TOP1MT: variants seen among roughly 807,000 people sequenced by gnomAD.
TOP1MT encodes the protein DNA topoisomerase I mitochondrial, also known as DNA topoisomerase I, mitochondrial.
Under a neutral mutation model 73.9 loss-of-function variants are expected in TOP1MT, and 80 were observed. That is an observed-to-expected ratio of 1.08 (90% CI 0.90 to 1.30). TOP1MT has a LOEUF of 1.30. TOP1MT is among the 50% of genes most tolerant of loss of function. The pLI, the probability that TOP1MT is intolerant of heterozygous loss-of-function variation, is 0.00. For synonymous variants in TOP1MT, 338 were observed against 326.4 expected, an observed-to-expected ratio of 1.04 and a Z score of -0.38; for missense variants, 815 against 808.0, an observed-to-expected ratio of 1.01 and a Z score of -0.10.
At chr8:143,323,350 A>T (rs1816587023) in intron 7 of TOP1MT, among the ~76,000 whole-genome samples, 2 of 119,882 alleles carry the variant, frequency 1.7e-5, no homozygotes, top group African/African-American at 3.3e-5. Context: ...ACACACATGC[A>T]CGCCACACCC....
chr8:143,332,562 G>A, intron 1 of TOP1MT: 1 of 1,289,442 alleles, frequency 7.8e-7, no homozygotes, highest in African/African-American at 1.5e-5. Context: ...TGGTCGGCTG[G>A]GATGAGTGTC....
chr8:143,348,664 G>A (rs942189105), upstream of TOP1MT, among the ~76,000 whole-genome samples: 4 of 152,174 alleles, frequency 2.6e-5, no homozygotes, highest in African/African-American at 9.7e-5. This position sits in a 1 kb window ranked among gnomAD's most constrained non-coding sequence, Gnocchi z 4.6. Flanking sequence ...CCGCTGAAAA[G>A]CAGTTTCCTC....
intron 3 of TOP1MT, among the ~76,000 whole-genome samples, chr8:143,326,818 G>A (rs375800162): frequency 6.6e-6 from 1 of 152,186 alleles, no homozygotes; most frequent in African/African-American, 2.4e-5. Flanking sequence ...CAGTCCATAC[G>A]TGCTGCTGCC....
At chr8:143,323,233 G>A (rs1465325354) in intron 7 of TOP1MT, among the ~76,000 whole-genome samples, 1 of 28,590 alleles carries the variant, frequency 3.5e-5, no homozygotes. Flanking sequence ...GCCACACACA[G>A]GCACGCCACA....
Position 143,317,841 on chromosome 8 carries a change from G to A in TOP1MT, c.1216-4C>T, listed in dbSNP as rs1250978174. On this transcript the variant is annotated splice_region_variant and splice_polypyrimidine_tract_variant and intron_variant, in intron 9 of 13. Transcript: ENST00000329245. ...GGTGCTTGTTCAGGCTGGTCGTCTG[G>A]GGAGGAAAATGGTCTCTATAATTAC... is the stretch of plus-strand genomic sequence containing the variant. 3 of 1,613,894 alleles carry A rather than the reference G, an allele frequency of 1.9e-6. No homozygotes were observed. Among genetic ancestry groups the A allele is most frequent in the African/African-American group, 1.3e-5 (1 of 74,946 alleles).
Position 143,324,079 on chromosome 8 carries a change from G to T in TOP1MT, c.880C>A (p.Arg294Ser). The T allele has an allele frequency of 1.9e-6, 3 of 1,613,878 alleles. No individual in the cohort carries two copies. The highest frequency in any genetic ancestry group is 2.5e-6 in the Non-Finnish European group (3 of 1,180,030). Residue 294 changes from arginine (R) to serine (S), a missense_variant, in exon 7 of 14, where the codon CGC becomes AGC. Arg to Ser is a moderately radical substitution (Grantham distance 110). Around this residue, in one of 3 missense-constraint regions of TOP1MT, gnomAD observed 751 missense variants for 725.4 expected, o/e 1.04. Coordinates refer to ENST00000329245, the MANE Select transcript of TOP1MT (RefSeq NM_052963.3). Reference sequence around the variant, plus strand: ...TTCCAGTCAGCCCGGTACTGGGAGCGGATCTCGTCCACAAATCCCCGCAGG... The same window carrying T: ...TTCCAGTCAGCCCGGTACTGGGAGCTGATCTCGTCCACAAATCCCCGCAGG... ...RRLRGFVDEI[R>S]SQYRADWKSR... is the part of the protein sequence containing the mutation.
intron 3 of TOP1MT, among the ~76,000 whole-genome samples, chr8:143,328,861 A>G (rs547640912): frequency 1.1e-4 from 16 of 152,336 alleles, no homozygotes; most frequent in Non-Finnish European, 1.8e-4. Context: ...CGCGGCACAC[A>G]CATAAAATCA....
intron 12 of TOP1MT, chr8:143,310,482 C>G (rs560313685): frequency 2.9e-6 from 1 of 349,794 alleles, no homozygotes; most frequent in Admixed American, 4.6e-5. Flanking sequence ...GTGAGATGCT[C>G]GACACAACAG....
At position 143,334,770 on chromosome 8, in the gene TOP1MT, G is replaced by A. The variant is rs766465072; in HGVS notation, c.92C>T (p.Ser31Leu). ...TCCACTGCCCTTCTGCGTCCTGCGC[G>A]AGCCCGGGACACCCCGGGAGGCCGG... ...RRPASRGVPG[S>L]RRTQKGSGAR... Residue 31 changes from serine to leucine, a missense_variant, in exon 1 of 14, where the codon TCG becomes TTG. By Grantham distance (145) the Ser-to-Leu change is moderately radical. Transcript: ENST00000329245. 44 of 1,595,452 alleles carry A rather than the reference G, an allele frequency of 2.8e-5. No individual in the cohort carries two copies. Among genetic ancestry groups the A allele is most frequent in the Non-Finnish European group, 3.4e-5 (40 of 1,172,838 alleles).
rs1327416480 is a variant in TOP1MT, at chr8:143,334,833, C to T, written c.29G>A (p.Arg10Gln). The part of the protein sequence containing the change: MRVVRLLRL[R>Q]AALTLLGEVP... Reference sequence around the variant, plus strand: ...CTCCCCGAGCAGCGTCAGAGCCGCCCGGAGCCGCAGCAGCCGCACCACGCG... The same window carrying T: ...CTCCCCGAGCAGCGTCAGAGCCGCCTGGAGCCGCAGCAGCCGCACCACGCG... Residue 10 changes from arginine (R) to glutamine (Q), a missense_variant, in exon 1 of 14, where the codon CGG becomes CAG. Physicochemically the swap from Arg to Gln is conservative, Grantham distance 43. This residue lies in a region of TOP1MT where 60 missense variants were observed against 65.9 expected (regional missense o/e 0.91). Coordinates refer to ENST00000329245, the MANE Select transcript of TOP1MT (RefSeq NM_052963.3). The T allele has an allele frequency of 1.3e-6, 2 of 1,520,606 alleles. No individual in the cohort carries two copies. The highest frequency in any genetic ancestry group is 1.7e-6 in the Non-Finnish European group (2 of 1,149,014). The allele number at this position is 1,520,606 out of a possible 1,614,324, so 94.2% of individuals were successfully genotyped here.
At chr8:143,321,641 CCA>C (rs199639947) in intron 7 of TOP1MT, among the ~76,000 whole-genome samples, 1 of 75,096 alleles carries the variant, frequency 1.3e-5, no homozygotes, top group Non-Finnish European at 2.9e-5. Context: ...CACAGGCACG[CCA>C]CACACAGGCA....
At chr8:143,322,978 CACGCCACACACGCACGCCA>C (rs1178039124) in intron 7 of TOP1MT, among the ~76,000 whole-genome samples, 1 of 119,492 alleles carries the variant, frequency 8.4e-6, no homozygotes, top group Non-Finnish European at 1.8e-5. Flanking sequence ...CACACGCACG[CACGCCACACACGCACGCCA>C]CACACAGGCA....
intron 12 of TOP1MT, 23 bp downstream of exon 12, chr8:143,315,704 C>T (rs369389767): frequency 2.1e-5 from 33 of 1,602,606 alleles, no homozygotes; most frequent in African/African-American, 5.4e-5. Context: ...CGGGAGAAGG[C>T]GTCTGAGGGC....
chr8:143,322,289 ACATGCACGCCACACC>A (rs1816454159), intron 7 of TOP1MT, among the ~76,000 whole-genome samples: 3 of 37,250 alleles, frequency 8.1e-5, no homozygotes, highest in African/African-American at 2.7e-4. Context: ...CACGCCACAC[ACATGCACGCCACACC>A]CACAGGCACG....
intron 6 of TOP1MT, 126 bp downstream of exon 6, chr8:143,324,359 G>C: frequency 6.9e-7 from 1 of 1,457,194 alleles, no homozygotes; most frequent in Non-Finnish European, 9.3e-7. Flanking sequence ...CATGACCTCA[G>C]CACGGGCTGG....
chr8:143,354,933 G>T (rs2450757), intron 1 of TOP1MT, among the ~76,000 whole-genome samples: 17,217 of 152,156 alleles, frequency 0.11, 3,308 homozygotes, highest in African/African-American at 0.39. Flanking sequence ...GAAAGTGACG[G>T]ACAGAAAACA....
At position 143,321,532 on chromosome 8, in the gene TOP1MT, C is replaced by CACGCACGCA. The variant is rs1160310743; in HGVS notation, c.961-147_961-146insTGCGTGCGT. On this transcript the variant is annotated intron_variant, in intron 7 of 13. Transcript: ENST00000329245. ...ACACGCACTCCACACACGCACGCCA[C>CACGCACGCA]ACACACGCACGCCACACACGCACGC... The CACGCACGCA allele has an allele frequency of 3.9e-5, 24 of 609,528 alleles. No individual in the cohort carries two copies. In the East Asian group the frequency reaches 7.1e-4, roughly 18 times the overall value. 37.8% of individuals were successfully genotyped at this position (609,528 alleles called of 1,614,324 possible).
intron 12 of TOP1MT, among the ~76,000 whole-genome samples, chr8:143,311,180 G>C (rs1339660360): frequency 7.2e-6 from 1 of 137,938 alleles, no homozygotes; most frequent in African/African-American, 2.8e-5. Flanking sequence ...TGTTGGCCAT[G>C]ATGGTCTCAA....
rs754884384 is a variant in TOP1MT, at chr8:143,316,092, G to A, written c.1365C>T (p.Tyr455=). Reference sequence around the variant, plus strand: ...TGGCCACGACTCGGTTGGCTCGGTTGTAGGATAAGATCTTAGCTGCTATGC... The same window carrying A: ...TGGCCACGACTCGGTTGGCTCGGTTATAGGATAAGATCTTAGCTGCTATGC... The part of the protein sequence containing the change: ...EDSIAAKILS[Y]NRANRVVAIL... The change falls in exon 11 of 14, where the codon TAC becomes TAT. Residue 455 remains tyrosine, a synonymous_variant. Coordinates refer to ENST00000329245, the MANE Select transcript of TOP1MT (RefSeq NM_052963.3). 5.0e-6 allele frequency: 8 copies of A among 1,614,174 alleles called. No homozygotes were observed. In the Admixed American group the frequency reaches 6.7e-5, roughly 13 times the overall value.
Sources: gnomAD v4.1 joint callset for allele counts (sites outside exome capture counted in the v4.1 genomes callset) on GRCh38, gnomAD v4.1.1 for gene constraint, gnomAD v4.1.1 regional missense constraint, Gnocchi (gnomAD v3.1) non-coding constraint, MANE v1.5 for transcripts, NCBI Gene and HGNC (gene_info 2026-07-23, HGNC 2026-07-21) for gene names.